Variants in C17orf114 observed in about 807,000 individuals in gnomAD.
C17orf114 encodes chromosome 17 open reading frame 114.
At chr17:4,801,311 G>A (rs991237349) in exon 2 of C17orf114, 23 of 398,592 alleles carry the variant, frequency 5.8e-5, no homozygotes, top group Admixed American at 3.1e-4. Context: ...GTCATTGGCC[G>A]ATGCTATGTC....
upstream of C17orf114, among the ~76,000 whole-genome samples, chr17:4,803,791 G>A (rs1262662674): frequency 2.6e-5 from 4 of 151,354 alleles, no homozygotes; most frequent in Admixed American, 6.6e-5. Flanking sequence ...GTGCAATCTC[G>A]TCTCACTGCA....
chr17:4,803,127 C>T (rs1454421392), upstream of C17orf114, among the ~76,000 whole-genome samples: 1 of 151,930 alleles, frequency 6.6e-6, no homozygotes, highest in African/African-American at 2.4e-5. Context: ...CCATGTTAGC[C>T]AGGCTAGTCT....
upstream of C17orf114, among the ~76,000 whole-genome samples, chr17:4,804,126 C>T (rs1400446027): frequency 1.3e-5 from 2 of 152,124 alleles, no homozygotes; most frequent in Non-Finnish European, 2.9e-5. Flanking sequence ...AGGCTGGGAG[C>T]ATCTAGTCAA....
At chr17:4,802,839 T>C (rs1380097843), upstream of C17orf114, among the ~76,000 whole-genome samples, 1 of 152,188 alleles carries the variant, frequency 6.6e-6, no homozygotes. Flanking sequence ...GTTATGAAGA[T>C]GATTGTAATT....
At chr17:4,803,628 G>A (rs917628550), upstream of C17orf114, among the ~76,000 whole-genome samples, 31 of 151,152 alleles carry the variant, frequency 2.1e-4, no homozygotes, top group African/African-American at 5.3e-4. Flanking sequence ...GGGTTTCACC[G>A]TGTTAGCCAG....
upstream of C17orf114, among the ~76,000 whole-genome samples, chr17:4,803,742 G>C (rs1172882370): frequency 6.6e-6 from 1 of 151,356 alleles, no homozygotes; most frequent in Non-Finnish European, 1.5e-5. Flanking sequence ...TAATTTTTGA[G>C]ATGGAGTCTT....
exon 2 of C17orf114, chr17:4,801,234 C>G: frequency 2.5e-6 from 1 of 398,650 alleles, no homozygotes; most frequent in East Asian, 3.6e-5. Flanking sequence ...GCTGAGAAAT[C>G]TGGGGAAGGA....
rs1905502895 is a variant in C17orf114 at position 4,801,319 on chromosome 17, G to A, written c.210C>T (p.Asp70=). The change falls in exon 2 of 2, where the codon GAC becomes GAT. Residue 70 remains aspartate (D), a synonymous_variant. Transcript: ENST00000635921. Reference sequence around the variant, plus strand: ...TGGTGGAGTCATTGGCCGATGCTATGTCATGCAGCTGGTGGCGGAAGGAGA... The same window carrying A: ...TGGTGGAGTCATTGGCCGATGCTATATCATGCAGCTGGTGGCGGAAGGAGA... 5 of 398,674 alleles carry A rather than the reference G, an allele frequency of 1.3e-5. No homozygotes were observed. In the South Asian group the frequency reaches 6.4e-4, roughly 51 times the overall value. The allele number at this position is 398,674 out of a possible 1,614,324, so 24.7% of individuals were successfully genotyped here.
chr17:4,806,337 T>A (rs1335687019), upstream of C17orf114, among the ~76,000 whole-genome samples: 2 of 152,060 alleles, frequency 1.3e-5, no homozygotes, highest in African/African-American at 2.4e-5. Flanking sequence ...TTACCCAAGA[T>A]AAAGGAAAAC....
chr17:4,804,230 A>C (rs1000488692), upstream of C17orf114, among the ~76,000 whole-genome samples: 1 of 138,690 alleles, frequency 7.2e-6, no homozygotes, highest in African/African-American at 2.7e-5. Context: ...TTTGAGATGG[A>C]GTCTCGCTCT....
intron 1 of C17orf114, among the ~76,000 whole-genome samples, chr17:4,802,020 T>C (rs779430911): frequency 1.8e-4 from 28 of 152,240 alleles, no homozygotes; most frequent in Admixed American, 7.2e-4. Context: ...TGAGCCACCG[T>C]ACCCGGCCGA....
intron 1 of C17orf114, among the ~76,000 whole-genome samples, 178 bp from the exon 2 acceptor site, chr17:4,801,633 G>C (rs1355616147): frequency 6.6e-6 from 1 of 152,134 alleles, no homozygotes; most frequent in Non-Finnish European, 1.5e-5. Context: ...AAGCAGGACT[G>C]GCTCGCACAC....
At chr17:4,802,319 T>C (rs955711607) in exon 1 of C17orf114, 9 of 398,916 alleles carry the variant, frequency 2.3e-5, no homozygotes, top group Non-Finnish European at 4.0e-5. Flanking sequence ...TTCAGACCCA[T>C]CTCAACAGTG....
chr17:4,803,425 T>G (rs1044962293), upstream of C17orf114, among the ~76,000 whole-genome samples: 9 of 122,462 alleles, frequency 7.3e-5, no homozygotes, highest in African/African-American at 2.5e-4. Context: ...AATTTTTTTT[T>G]TTTTTTTTTT....
intron 1 of C17orf114, among the ~76,000 whole-genome samples, chr17:4,801,888 A>T (rs995353792): frequency 4.0e-5 from 6 of 151,126 alleles, no homozygotes; most frequent in African/African-American, 1.5e-4. Context: ...CCGCCACCAC[A>T]CCCGGCTAAT....
chr17:4,801,958 T>C (rs2150662229), intron 1 of C17orf114, among the ~76,000 whole-genome samples: 1 of 152,170 alleles, frequency 6.6e-6, no homozygotes, highest in Admixed American at 6.6e-5. Context: ...CTCCATCCCC[T>C]GACCTCGTGA....
At chr17:4,806,746 T>C (rs1361154765), upstream of C17orf114, 2 of 151,652 alleles carry the variant, frequency 1.3e-5, no homozygotes, top group Non-Finnish European at 2.9e-5. Flanking sequence ...GCGGGGCACC[T>C]ACCGGCAGCT....
chr17:4,802,390 C>T (rs1385652205), upstream of C17orf114: 2 of 398,212 alleles, frequency 5.0e-6, no homozygotes, highest in Non-Finnish European at 8.9e-6. Flanking sequence ...GGTTTCCAAG[C>T]CCCCCCACCA....
upstream of C17orf114, among the ~76,000 whole-genome samples, chr17:4,803,662 G>A (rs536993268): frequency 3.3e-5 from 5 of 151,738 alleles, no homozygotes; most frequent in South Asian, 2.1e-4. Context: ...TCCTGAGCTC[G>A]TGATCCGGCC....
Sources: allele counts gnomAD v4.1 joint callset (sites outside exome capture counted in the v4.1 genomes callset), GRCh38; gene constraint gnomAD v4.1.1; transcripts MANE v1.5; gene names NCBI Gene and HGNC (gene_info 2026-07-23, HGNC 2026-07-21).